HYCC2: variants seen among roughly 807,000 people sequenced by gnomAD.
The protein encoded by HYCC2 is hyccin PI4KA lipid kinase complex subunit 2, also known as hyccin 2.
chr2:201,017,227 T>A, the HYCC2 span: 2 of 1,300,100 alleles, frequency 1.5e-6, no homozygotes, highest in East Asian at 5.0e-5. Context: ...TAACTGTTGT[T>A]TTTTTTTTTT....
At chr2:201,017,278 T>C in the HYCC2 span, 1 of 819,090 alleles carries the variant, frequency 1.2e-6, no homozygotes, top group East Asian at 2.7e-5. Flanking sequence ...AAAGTCTTAA[T>C]ATTAATTTCT....
the HYCC2 span, among the ~76,000 whole-genome samples, chr2:201,058,739 G>A: frequency 6.0e-4 from 91 of 152,246 alleles, no homozygotes; most frequent in Non-Finnish European, 1.0e-3. Context: ...TTTTCATATC[G>A]AATTACATTT....
the HYCC2 span, among the ~76,000 whole-genome samples, chr2:201,008,731 C>T: frequency 1.3e-5 from 2 of 151,548 alleles, no homozygotes; most frequent in Admixed American, 6.6e-5. Flanking sequence ...CTTTTCTCTA[C>T]AAAAAATAAA....
the HYCC2 span, among the ~76,000 whole-genome samples, chr2:201,016,638 C>G: frequency 6.7e-6 from 1 of 148,338 alleles, no homozygotes; most frequent in Non-Finnish European, 1.5e-5. Flanking sequence ...CTCACTCTTT[C>G]ACCCAGGCTG....
the HYCC2 span, among the ~76,000 whole-genome samples, chr2:201,019,479 G>T: frequency 4.2e-4 from 64 of 152,296 alleles, 1 homozygote; most frequent in East Asian, 9.1e-3. Context: ...CTGGTCAGGT[G>T]TGGTAGCTCA....
the HYCC2 span, chr2:200,997,166 G>C: frequency 4.2e-6 from 1 of 239,338 alleles, no homozygotes; most frequent in Admixed American, 5.4e-5. Context: ...CAGGCGGGAG[G>C]ATCCCTTGAG....
the HYCC2 span, chr2:201,009,060 G>T: frequency 1.2e-6 from 2 of 1,613,644 alleles, no homozygotes; most frequent in Non-Finnish European, 1.7e-6. Context: ...TGCCCCTTCT[G>T]TCAAAGCCAT....
chr2:200,990,522 C>T, the HYCC2 span, among the ~76,000 whole-genome samples: 17 of 152,102 alleles, frequency 1.1e-4, no homozygotes, highest in African/African-American at 4.1e-4. Flanking sequence ...ATGCCTCAGC[C>T]TCCCAAGCAG....
the HYCC2 span, among the ~76,000 whole-genome samples, chr2:201,048,041 A>C: frequency 2.0e-5 from 3 of 152,174 alleles, no homozygotes; most frequent in South Asian, 6.2e-4. Flanking sequence ...TGGGGCATAA[A>C]AAATATATAT....
At chr2:201,033,147 GTA>G in the HYCC2 span, among the ~76,000 whole-genome samples, 1,879 of 128,124 alleles carry the variant, frequency 0.015, 19 homozygotes, top group Non-Finnish European at 0.017. Context: ...AAAGCTATTT[GTA>G]TGTGTGTGTA....
chr2:201,027,125 G>A, the HYCC2 span, among the ~76,000 whole-genome samples: 5 of 151,996 alleles, frequency 3.3e-5, no homozygotes, highest in African/African-American at 9.6e-5. Flanking sequence ...AAAATGATAA[G>A]GGGGATATCA....
the HYCC2 span, among the ~76,000 whole-genome samples, chr2:201,020,596 G>C: frequency 6.6e-6 from 1 of 152,022 alleles, no homozygotes; most frequent in African/African-American, 2.4e-5. Flanking sequence ...AAGAGAGAAG[G>C]AATAATTGCA....
At chr2:200,990,706 G>A in the HYCC2 span, among the ~76,000 whole-genome samples, 1 of 152,262 alleles carries the variant, frequency 6.6e-6, no homozygotes, top group Admixed American at 6.5e-5. Flanking sequence ...CAAGTAGCTG[G>A]GATTACAGGC....
the HYCC2 span, chr2:200,974,272 G>A: frequency 6.6e-6 from 1 of 151,318 alleles, no homozygotes; most frequent in Non-Finnish European, 1.5e-5. Flanking sequence ...ACATATGAAA[G>A]TGAGATAGTT....
At chr2:201,010,365 A>G in the HYCC2 span, among the ~76,000 whole-genome samples, 1 of 152,192 alleles carries the variant, frequency 6.6e-6, no homozygotes, top group African/African-American at 2.4e-5. Context: ...AATAGAATAC[A>G]ATTTTTAGAC....
chr2:201,054,735 C>T, the HYCC2 span, among the ~76,000 whole-genome samples: 1 of 151,984 alleles, frequency 6.6e-6, no homozygotes, highest in Admixed American at 6.6e-5. Context: ...TATCCAACAC[C>T]AAAGAACCTA....
the HYCC2 span, chr2:200,974,169 T>C: frequency 6.6e-6 from 1 of 151,452 alleles, no homozygotes; most frequent in Non-Finnish European, 1.5e-5. Flanking sequence ...ATTCTCTAAA[T>C]ACTTGGGAAG....
the HYCC2 span, among the ~76,000 whole-genome samples, chr2:200,988,600 T>C: frequency 6.6e-6 from 1 of 152,218 alleles, no homozygotes; most frequent in Non-Finnish European, 1.5e-5. Context: ...TTCTAAAATA[T>C]GAGTCACATA....
At chr2:201,015,389 C>G in the HYCC2 span, among the ~76,000 whole-genome samples, 2 of 151,686 alleles carry the variant, frequency 1.3e-5, no homozygotes, top group Non-Finnish European at 2.9e-5. Flanking sequence ...TGGTTTTTCT[C>G]CCCCTAGTTT....
Sources: allele counts gnomAD v4.1 joint callset (sites outside exome capture counted in the v4.1 genomes callset), GRCh38; gene constraint gnomAD v4.1.1; transcripts MANE v1.5; gene names NCBI Gene and HGNC (gene_info 2026-07-23, HGNC 2026-07-21).